The following SGCD variants were observed in gnomAD, a reference collection of about 807,000 sequenced individuals.
SGCD encodes the protein delta-sarcoglycan.
SGCD carries 18 observed loss-of-function variants against 36.6 expected under a neutral mutation model. That is an observed-to-expected ratio of 0.49 (90% CI 0.34 to 0.73). SGCD has a LOEUF of 0.73. Among genes scored for constraint, SGCD ranks in the 30% least tolerant of loss-of-function variants. The pLI is 0.01. For missense variants in SGCD, 387 were observed against 346.7 expected (o/e 1.12, Z -0.92); for synonymous variants, 133 against 130.6 (o/e 1.02, Z -0.12).
intron 3 of SGCD, among the ~76,000 whole-genome samples, chr5:156,352,859 G>T (rs1030336886): frequency 6.6e-6 from 1 of 152,184 alleles, no homozygotes; most frequent in African/African-American, 2.4e-5. Flanking sequence ...GGGATGGGTT[G>T]CAGGGAGTCT....
rs1017223865 is a variant in SGCD at position 156,392,971 on chromosome 5, G to A, written c.192+48294G>A. Among the ~76,000 whole-genome samples, 6 of 152,156 alleles carry A rather than the reference G, an allele frequency of 3.9e-5. No individual in the cohort carries two copies. In the East Asian group the frequency reaches 7.8e-4, roughly 20 times the overall value. On this transcript the variant is annotated intron_variant, in intron 3 of 8. Transcript: ENST00000337851. ...TATAGGCACAGGATGGGGGCGTGGC[G>A]GGGAAATTCAACATTTGGGCAGAAA...
chr5:155,794,358 A>T, the SGCD span, among the ~76,000 whole-genome samples: 1 of 152,184 alleles, frequency 6.6e-6, no homozygotes, highest in Non-Finnish European at 1.5e-5. Context: ...AGAATATAAT[A>T]TATTCACAGG....
intron 5 of SGCD, among the ~76,000 whole-genome samples, chr5:156,593,278 T>C (rs1760795394): frequency 1.3e-5 from 2 of 152,162 alleles, no homozygotes; most frequent in Non-Finnish European, 2.9e-5. Flanking sequence ...AGATGCCCAG[T>C]GGCTGGTTGG....
At chr5:155,937,060 AG>A (rs953222701) in intron 1 of SGCD, among the ~76,000 whole-genome samples, 3 of 152,176 alleles carry the variant, frequency 2.0e-5, no homozygotes, top group Non-Finnish European at 4.4e-5. Flanking sequence ...CTGCGGGGCC[AG>A]GGAAAGCCTT....
chr5:156,217,855 T>G (rs1473900252), intron 3 of SGCD, among the ~76,000 whole-genome samples: 1 of 152,178 alleles, frequency 6.6e-6, no homozygotes, highest in Non-Finnish European at 1.5e-5. Context: ...GTGAGAATTT[T>G]AAAAATTATT....
intron 3 of SGCD, among the ~76,000 whole-genome samples, chr5:156,197,843 G>C (rs1390302575): frequency 6.6e-6 from 1 of 151,776 alleles, no homozygotes; most frequent in Non-Finnish European, 1.5e-5. Context: ...ATATTTATGG[G>C]GTACAATGTG....
chr5:156,241,251 C>CGTGTGT (rs60843726), intron 3 of SGCD, among the ~76,000 whole-genome samples: 10,107 of 145,070 alleles, frequency 0.07, 424 homozygotes, highest in African/African-American at 0.099. Context: ...TAGACCAAAA[C>CGTGTGT]GTGTGTGTGT....
At position 156,445,024 on chromosome 5, in the gene SGCD, T is replaced by A. The variant is rs562018711; in HGVS notation, c.193-63577T>A. Reference sequence around the variant, plus strand: ...TTAATTTAGGTATAATTGAGAGCATTAGCGTTCTTCATAATAGCCCAGTGA... The same window carrying A: ...TTAATTTAGGTATAATTGAGAGCATAAGCGTTCTTCATAATAGCCCAGTGA... On this transcript the variant is annotated intron_variant, in intron 3 of 8. Coordinates refer to ENST00000337851, the MANE Select transcript of SGCD (RefSeq NM_000337.6). Among the ~76,000 whole-genome samples, 41 of 152,326 alleles carry A rather than the reference T, an allele frequency of 2.7e-4. No homozygotes were observed. In the South Asian group the frequency reaches 7.0e-3, roughly 26 times the overall value.
intron 1 of SGCD, among the ~76,000 whole-genome samples, chr5:155,972,682 C>A (rs188646407): frequency 1.8e-4 from 28 of 152,012 alleles, no homozygotes; most frequent in Admixed American, 1.7e-3. Context: ...AATTACCCTC[C>A]ATCAGTGGTG....
intron 3 of SGCD, among the ~76,000 whole-genome samples, chr5:156,171,086 G>A (rs1027575804): frequency 1.3e-5 from 2 of 151,910 alleles, no homozygotes; most frequent in Non-Finnish European, 2.9e-5. Context: ...GTGTCTTTGC[G>A]GTTTGGACAT....
chr5:156,122,952 G>T (rs1041307107), intron 2 of SGCD, among the ~76,000 whole-genome samples: 1 of 149,754 alleles, frequency 6.7e-6, no homozygotes, highest in South Asian at 2.1e-4. Context: ...ACAATGTGAG[G>T]TATATAGGCA....
chr5:156,205,692 C>G (rs1295673816), intron 3 of SGCD, among the ~76,000 whole-genome samples: 1 of 151,986 alleles, frequency 6.6e-6, no homozygotes, highest in Non-Finnish European at 1.5e-5. Context: ...AGGATAGTTA[C>G]TTCTACCTAA....
At chr5:156,226,580 C>T (rs910833293) in intron 3 of SGCD, among the ~76,000 whole-genome samples, 1 of 152,084 alleles carries the variant, frequency 6.6e-6, no homozygotes, top group Non-Finnish European at 1.5e-5. Flanking sequence ...TGGGTAGATA[C>T]CAAGTAGGCA....
intron 3 of SGCD, among the ~76,000 whole-genome samples, chr5:156,273,965 T>A (rs942393651): frequency 6.6e-6 from 1 of 152,112 alleles, no homozygotes; most frequent in Non-Finnish European, 1.5e-5. Context: ...TCTGGGCCAA[T>A]CATGTCACGC....
At chr5:155,782,102 G>A in the SGCD span, among the ~76,000 whole-genome samples, 5 of 147,124 alleles carry the variant, frequency 3.4e-5, no homozygotes, top group African/African-American at 7.5e-5. Context: ...TCAGCTCACC[G>A]CAACCTCTGC....
intron 3 of SGCD, among the ~76,000 whole-genome samples, chr5:156,280,212 G>T (rs1766417634): frequency 6.6e-6 from 1 of 152,132 alleles, no homozygotes; most frequent in African/African-American, 2.4e-5. Flanking sequence ...ATAGTGTCAT[G>T]CCTCTAGTTT....
intron 1 of SGCD, among the ~76,000 whole-genome samples, chr5:155,931,545 A>AAG (rs1029036383): frequency 2.6e-5 from 4 of 152,036 alleles, no homozygotes; most frequent in Non-Finnish European, 5.9e-5. Flanking sequence ...TTTGTTTTTT[A>AAG]AGTGCTTGGG....
the SGCD span, among the ~76,000 whole-genome samples, chr5:155,824,043 G>A: frequency 6.6e-6 from 1 of 152,180 alleles, no homozygotes; most frequent in Non-Finnish European, 1.5e-5. Flanking sequence ...TAGAAAGCCA[G>A]AGAAATGCCC....
chr5:156,203,378 G>A (rs888849480), intron 3 of SGCD, among the ~76,000 whole-genome samples: 4 of 152,038 alleles, frequency 2.6e-5, no homozygotes, highest in African/African-American at 7.2e-5. Context: ...AACTACAAAG[G>A]CATTGTTCCT....
Sources: gnomAD v4.1 joint callset for allele counts (sites outside exome capture counted in the v4.1 genomes callset) on GRCh38, gnomAD v4.1.1 for gene constraint, MANE v1.5 for transcripts, NCBI Gene and HGNC (gene_info 2026-07-23, HGNC 2026-07-21) for gene names.